The following TAOK3 variants were observed in gnomAD, a reference collection of about 807,000 sequenced individuals.
TAOK3 encodes TAO kinase 3.
In TAOK3, 40 loss-of-function variants were observed where a neutral mutation model predicts 120.4. The ratio of observed to expected loss-of-function variants is 0.33; its 90% CI spans 0.26 to 0.43. TAOK3 has a LOEUF of 0.43. TAOK3 is among the 20% of genes least tolerant of loss of function. The pLI, the probability that TAOK3 is intolerant of heterozygous loss-of-function variation, is 1.00. For missense variants in TAOK3, 821 were observed against 1,112.1 expected, an observed-to-expected ratio of 0.74 and a Z score of 3.72; for synonymous variants, 355 against 387.5, an observed-to-expected ratio of 0.92 and a Z score of 0.99.
Position 118,229,900 on chromosome 12 carries a change from T to C in TAOK3, c.643+3774A>G, listed in dbSNP as rs573990788. On this transcript the variant is annotated intron_variant, in intron 9 of 20. Transcript: ENST00000392533. Reference sequence around the variant, plus strand: ...GAGCTAAGAGCACACCACTGCACTCTAGCCTGGGAGACAGAGCGAGACTCT... The same window carrying C: ...GAGCTAAGAGCACACCACTGCACTCCAGCCTGGGAGACAGAGCGAGACTCT... Among the ~76,000 whole-genome samples, 34 of 152,138 alleles carry C rather than the reference T, an allele frequency of 2.2e-4. No individual in the cohort carries two copies. The South Asian group carries it at 6.9e-3, about 31-fold the overall frequency.
At chr12:118,331,237 A>G (rs967119391) in intron 1 of TAOK3, among the ~76,000 whole-genome samples, 4 of 152,220 alleles carry the variant, frequency 2.6e-5, no homozygotes, top group Non-Finnish European at 5.9e-5. Flanking sequence ...GGCATACAGC[A>G]TGGAGTCCCA....
intron 10 of TAOK3, among the ~76,000 whole-genome samples, 156 bp from the exon 11 acceptor site, chr12:118,213,151 GA>G (rs1408826397): frequency 3.9e-5 from 6 of 152,092 alleles, no homozygotes; most frequent in Non-Finnish European, 8.8e-5. Context: ...TTCAAGTTAC[GA>G]TATCTAAAAT....
At chr12:118,234,211 A>ATTTTTTTTTTTTT (rs2039911543) in intron 8 of TAOK3, among the ~76,000 whole-genome samples, 1 of 95,066 alleles carries the variant, frequency 1.1e-5, no homozygotes, top group Non-Finnish European at 2.4e-5. Flanking sequence ...TAAAGCAGGA[A>ATTTTTTTTTTTTT]ATTTTTTTTT....
chr12:118,276,697 G>A (rs780452811), intron 1 of TAOK3, among the ~76,000 whole-genome samples: 41 of 149,224 alleles, frequency 2.7e-4, no homozygotes, highest in South Asian at 1.1e-3. Flanking sequence ...GCGAGACTCC[G>A]TCTCAAAAAA....
At chr12:118,249,484 C>A (rs1397918592) in intron 3 of TAOK3, among the ~76,000 whole-genome samples, 1 of 151,380 alleles carries the variant, frequency 6.6e-6, no homozygotes. Flanking sequence ...ACTGCTTGTA[C>A]CCAGGAGGCG....
At chr12:118,291,808 T>A (rs764262174) in intron 1 of TAOK3, among the ~76,000 whole-genome samples, 2 of 152,102 alleles carry the variant, frequency 1.3e-5, no homozygotes, top group Admixed American at 1.3e-4. Flanking sequence ...ATACTACATA[T>A]GAAATGAAAA....
intron 9 of TAOK3, among the ~76,000 whole-genome samples, chr12:118,216,096 G>A (rs1055745956): frequency 2.0e-5 from 3 of 152,122 alleles, no homozygotes; most frequent in African/African-American, 7.2e-5. Flanking sequence ...TACTTGGGAG[G>A]TTGAGGCAGA....
chr12:118,193,052 T>G (rs928881451), intron 13 of TAOK3, among the ~76,000 whole-genome samples: 155 of 144,490 alleles, frequency 1.1e-3, no homozygotes, highest in Middle Eastern at 3.5e-3. Context: ...CGTTGTTGTT[T>G]TTTTTTTTTT....
At chr12:118,170,173 GT>G (rs34175555) in intron 17 of TAOK3, among the ~76,000 whole-genome samples, 9 of 149,954 alleles carry the variant, frequency 6.0e-5, no homozygotes, top group African/African-American at 1.7e-4. Flanking sequence ...TTCTCAAGCA[GT>G]TTTTTTTTTC....
chr12:118,238,549 TTTAA>T (rs1317372809), intron 6 of TAOK3, among the ~76,000 whole-genome samples: 1 of 152,322 alleles, frequency 6.6e-6, no homozygotes, highest in African/African-American at 2.4e-5. Context: ...CAAAGCCATC[TTTAA>T]TTACCCCTTC....
At chr12:118,260,774 A>C (rs968615149) in intron 2 of TAOK3, among the ~76,000 whole-genome samples, 2 of 152,148 alleles carry the variant, frequency 1.3e-5, no homozygotes, top group African/African-American at 4.8e-5. Flanking sequence ...TCTGCCTCCC[A>C]GGTTCAAGCA....
intron 9 of TAOK3, among the ~76,000 whole-genome samples, chr12:118,220,460 C>T (rs939606828): frequency 2.6e-5 from 4 of 151,608 alleles, no homozygotes; most frequent in Admixed American, 6.6e-5. Context: ...CACTAAGTCT[C>T]GGGGCTCATG....
intron 1 of TAOK3, among the ~76,000 whole-genome samples, chr12:118,315,446 A>G (rs1415757629): frequency 6.6e-6 from 1 of 152,032 alleles, no homozygotes; most frequent in Admixed American, 6.6e-5. Flanking sequence ...AAATGTTAAA[A>G]CCCACAAAAA....
chr12:118,193,758 C>A (rs548208937), intron 13 of TAOK3, among the ~76,000 whole-genome samples: 1 of 152,220 alleles, frequency 6.6e-6, no homozygotes, highest in African/African-American at 2.4e-5. Flanking sequence ...TACTTGCCTA[C>A]AGTTTCTAAA....
intron 1 of TAOK3, among the ~76,000 whole-genome samples, chr12:118,276,625 TG>T: frequency 6.6e-6 from 1 of 151,438 alleles, no homozygotes; most frequent in East Asian, 2.0e-4. Flanking sequence ...TGGCATGAAC[TG>T]GGGGGGCGGA....
intron 9 of TAOK3, among the ~76,000 whole-genome samples, chr12:118,233,073 T>TA (rs1283291555): frequency 6.6e-6 from 1 of 151,798 alleles, no homozygotes; most frequent in Non-Finnish European, 1.5e-5. Context: ...TATGCAGCCA[T>TA]AAAAAATGAT....
chr12:118,304,619 C>T (rs1444213666), intron 1 of TAOK3, among the ~76,000 whole-genome samples: 1 of 152,066 alleles, frequency 6.6e-6, no homozygotes, highest in African/African-American at 2.4e-5. Context: ...AATAAGAAGC[C>T]ACTGATACAT....
intron 9 of TAOK3, among the ~76,000 whole-genome samples, chr12:118,221,383 C>T (rs962593558): frequency 6.6e-6 from 1 of 152,014 alleles, no homozygotes. Flanking sequence ...GCCACTGTGC[C>T]CAGCTAATTT....
chr12:118,347,242 G>A (rs1001983539), intron 1 of TAOK3, among the ~76,000 whole-genome samples: 2 of 152,094 alleles, frequency 1.3e-5, no homozygotes, highest in African/African-American at 4.8e-5. Flanking sequence ...TGAACTCCTG[G>A]GCTCTGGCAA....
Sources: gnomAD v4.1 joint callset for allele counts (sites outside exome capture counted in the v4.1 genomes callset) on GRCh38, gnomAD v4.1.1 for gene constraint, MANE v1.5 for transcripts, NCBI Gene and HGNC (gene_info 2026-07-23, HGNC 2026-07-21) for gene names.